Variants in CGN observed in about 807,000 individuals in gnomAD.
CGN encodes the protein cingulin.
Under a neutral mutation model 157.1 loss-of-function variants are expected in CGN, and 121 were observed. The ratio of observed to expected loss-of-function variants is 0.77; its 90% CI spans 0.66 to 0.90. The LOEUF (loss-of-function observed/expected upper bound fraction) is 0.90. CGN is among the 40% of genes least tolerant of loss of function. The pLI is 0.00. For synonymous variants in CGN, 535 were observed against 607.5 expected (o/e 0.88, Z 1.76); for missense variants, 1,424 against 1,520.9 (o/e 0.94, Z 1.06).
intron 5 of CGN, among the ~76,000 whole-genome samples, chr1:151,521,847 A>AT (rs1226431087): frequency 1.3e-5 from 2 of 151,516 alleles, no homozygotes; most frequent in Non-Finnish European, 1.5e-5. Flanking sequence ...TCAAAAAAAA[A>AT]GCATTTCCCA....
intron 10 of CGN, among the ~76,000 whole-genome samples, chr1:151,528,647 C>A (rs1349449265): frequency 6.6e-6 from 1 of 152,022 alleles, no homozygotes; most frequent in African/African-American, 2.4e-5. Context: ...GAACTCCTGA[C>A]CTCAGGTGAT....
rs748913181 is a variant in CGN at position 151,530,075 on chromosome 1, C to T, written c.2273C>T (p.Ala758Val). Reference protein sequence around the residue: ...ETRGLVDGGEAVEARLRDKLQ... With the variant: ...ETRGLVDGGEVVEARLRDKLQ... ...CGAGGTCTGGTGGATGGTGGGGAAG[C>T]GGTGGAGGCACGACTACGGGACAAG... is the stretch of plus-strand genomic sequence containing the variant. The change falls in exon 12 of 21, where the codon GCG (alanine) becomes GTG (valine). Residue 758 changes from alanine (A) to valine (V), a missense_variant. By Grantham distance (64) the Ala-to-Val change is moderately conservative. Coordinates refer to ENST00000271636, the MANE Select transcript of CGN (RefSeq NM_020770.3). 27 of 1,613,762 alleles carry T rather than the reference C, an allele frequency of 1.7e-5. No homozygotes were observed. The highest frequency in any genetic ancestry group is 6.7e-5 in the East Asian group (3 of 44,868).
chr1:151,536,652 T>A, intron 19 of CGN, 78 bp from the exon 20 acceptor site: 1 of 1,469,910 alleles, frequency 6.8e-7, no homozygotes, highest in Non-Finnish European at 9.4e-7. Context: ...TTATACCTTG[T>A]CAAGATTGTT....
At position 151,519,006 on chromosome 1, in the gene CGN, G is replaced by T. The variant is rs1181582599; in HGVS notation, c.487G>T (p.Val163Leu). The change falls in exon 2 of 21, where the codon GTG becomes TTG. Residue 163 changes from valine (V) to leucine (L), a missense_variant. Val to Leu is a conservative substitution (Grantham distance 32). Around this residue, in one of 3 missense-constraint regions of CGN, gnomAD observed 1,187 missense variants for 1,217.6 expected, o/e 0.97. Coordinates refer to ENST00000271636, the MANE Select transcript of CGN (RefSeq NM_020770.3). Reference sequence around the variant, plus strand: ...CAGCATGCTGGAGCTAGCCCCGAAAGTGGCTTCCCCAGGTAGCACCATTGA... The same window carrying T: ...CAGCATGCTGGAGCTAGCCCCGAAATTGGCTTCCCCAGGTAGCACCATTGA... ...SNSMLELAPK[V>L]ASPGSTIDTA... 2 of 1,614,218 alleles carry T rather than the reference G, an allele frequency of 1.2e-6. No homozygotes were observed. The highest frequency in any genetic ancestry group is 1.7e-5 in the Admixed American group (1 of 60,024).
Position 151,524,128 on chromosome 1 carries a change from A to G in CGN, c.1269-98A>G, listed in dbSNP as rs1036610685. 1 of 1,185,692 alleles carries G rather than the reference A, an allele frequency of 8.4e-7. No individual in the cohort carries two copies. Among genetic ancestry groups the G allele is most frequent in the African/African-American group, 1.5e-5 (1 of 64,752 alleles). The allele number at this position is 1,185,692 out of a possible 1,614,324, so 73.4% of individuals were successfully genotyped here. On this transcript the variant is annotated intron_variant, in intron 6 of 20. Transcript: ENST00000271636. The surrounding 1 kb of genome is among the most constrained non-coding windows in gnomAD (Gnocchi z 4.4). ...GGGAGGCCTCATCAAGATTTGAAGG[A>G]AGGAAGTTTAAATGCATTAATAAAT... is the stretch of plus-strand genomic sequence containing the variant.
Position 151,524,882 on chromosome 1 carries a change from C to T in CGN, c.1610C>T (p.Thr537Ile), listed in dbSNP as rs775325708. The T allele has an allele frequency of 6.2e-7, 1 of 1,610,490 alleles. No homozygotes were observed. The highest frequency in any genetic ancestry group is 8.5e-7 in the Non-Finnish European group (1 of 1,179,058). ...CTCCGCAGGAGCATGCAAGATGCAA[C>T]CCAGGCATGTGACAAGAGCAGGGTC... Reference protein sequence around the residue: ...EQLRRSMQDATQDHAVLEAER... With the variant: ...EQLRRSMQDAIQDHAVLEAER... The change falls in exon 8 of 21, where the codon ACC becomes ATC. Residue 537 changes from threonine to isoleucine, a missense_variant. By Grantham distance (89) the Thr-to-Ile change is moderately conservative (BLOSUM62 -1). Transcript: ENST00000271636. The surrounding 1 kb of genome is among the most constrained non-coding windows in gnomAD (Gnocchi z 4.4).
chr1:151,533,843 G>A, intron 14 of CGN, 132 bp from the exon 15 acceptor site: 1 of 793,062 alleles, frequency 1.3e-6, no homozygotes, highest in Non-Finnish European at 2.0e-6. Flanking sequence ...GCTTTTTATT[G>A]TCATCATGCC....
chr1:151,524,964 A>T lies in CGN; in HGVS notation c.1614+78A>T. 2 of 1,242,144 alleles carry T rather than the reference A, an allele frequency of 1.6e-6. No homozygotes were observed. The highest frequency in any genetic ancestry group is 2.3e-6 in the Non-Finnish European group (2 of 878,368). 76.9% of individuals were successfully genotyped at this position (1,242,144 alleles called of 1,614,324 possible). A position where few individuals can be genotyped will look rare whatever the true frequency, so the allele number is the denominator to read the frequency against. Reference sequence around the variant, plus strand: ...CTGCCTTGGGATCTTGGACTTTTGGACTTTTCATGGTTGCAACTGGGAACT... The same window carrying T: ...CTGCCTTGGGATCTTGGACTTTTGGTCTTTTCATGGTTGCAACTGGGAACT... On this transcript the variant is annotated intron_variant, in intron 8 of 20. Coordinates refer to ENST00000271636, the MANE Select transcript of CGN (RefSeq NM_020770.3). The surrounding 1 kb of genome is among the most constrained non-coding windows in gnomAD (Gnocchi z 4.4).
Position 151,530,577 on chromosome 1 carries a change from G to A in CGN, c.2402G>A (p.Arg801His), listed in dbSNP as rs149778114. Residue 801 changes from arginine to histidine, a missense_variant, in exon 13 of 21, where the codon CGC becomes CAC. Physicochemically the swap from Arg to His is conservative, Grantham distance 29. This residue lies in a region of CGN where 1,187 missense variants were observed against 1,217.6 expected (regional missense o/e 0.97). Transcript: ENST00000271636. Reference protein sequence around the residue: ...LAAAKRALEARLEEAQRGLAR... With the variant: ...LAAAKRALEAHLEEAQRGLAR... ...GCAGCCAAGCGGGCACTGGAGGCAC[G>A]CCTAGAGGAGGCTCAGCGGGGGCTG... 1.7e-4 allele frequency: 271 copies of A among 1,610,664 alleles called. No homozygotes were observed. Among genetic ancestry groups the A allele is most frequent in the East Asian group, 2.9e-4 (13 of 44,868 alleles).
At chr1:151,527,258 C>T in intron 10 of CGN, 151 bp downstream of exon 10, 1 of 789,610 alleles carries the variant, frequency 1.3e-6, no homozygotes, top group Non-Finnish European at 2.1e-6. Flanking sequence ...CTTTCCAGCA[C>T]AGCAGCACCA....
chr1:151,522,780 G>A (rs1393364619), intron 5 of CGN, among the ~76,000 whole-genome samples: 1 of 152,024 alleles, frequency 6.6e-6, no homozygotes, highest in Admixed American at 6.6e-5. Context: ...CAGGTGAGGT[G>A]ATGCATGCCT....
chr1:151,518,380 G>A, intron 1 of CGN, 126 bp from the exon 2 acceptor site: 3 of 753,928 alleles, frequency 4.0e-6, no homozygotes, highest in Non-Finnish European at 6.4e-6. Context: ...CTCTCCAGGG[G>A]CCTTCTGTTA....
rs757539425 is a variant in CGN, at chr1:151,526,366, G to A, written c.1763+576G>A. The stretch of plus-strand genomic sequence containing the variant: ...GGTTTTTTGTATTTTTAGTAGAGAC[G>A]GGGTTTCACCATATTGGCCAGGCTG... On this transcript the variant is annotated intron_variant, in intron 9 of 20. Transcript: ENST00000271636. Among the ~76,000 whole-genome samples, 11 of 151,530 alleles carry A rather than the reference G, an allele frequency of 7.3e-5. No homozygotes were observed. The South Asian group carries it at 8.4e-4, about 12-fold the overall frequency.
At position 151,532,527 on chromosome 1, in the gene CGN, T is replaced by TG. The variant is rs1381134322; in HGVS notation, c.2698dup (p.Glu900GlyfsTer3). On this transcript the variant is annotated frameshift_variant, in exon 14 of 21. Transcript: ENST00000271636. LOFTEE classifies it high-confidence loss of function. ...AGCGCCAGGCCAAGGATTGGGCCAG[T>TG]GAGGCTGAGAAGACCTCTGGAGGAC... The TG allele has an allele frequency of 6.3e-7, 1 of 1,597,240 alleles. No individual in the cohort carries two copies.
Position 151,524,438 on chromosome 1 carries a change from C to T in CGN, c.1401+80C>T. On this transcript the variant is annotated intron_variant, in intron 7 of 20. Transcript: ENST00000271636. This position sits in a 1 kb window ranked among gnomAD's most constrained non-coding sequence, Gnocchi z 4.4. ...TCAAGTCTGCTCATCCATGGTTTCCCCAAAGTATGAGGAGTGGGTGGCTGA... is the reference window on the plus strand; with the variant it reads ...TCAAGTCTGCTCATCCATGGTTTCCTCAAAGTATGAGGAGTGGGTGGCTGA... 6.3e-7 allele frequency: 1 copy of T among 1,587,554 alleles called. No individual in the cohort carries two copies. The highest frequency in any genetic ancestry group is 1.4e-5 in the African/African-American group (1 of 74,006).
chr1:151,510,330 T>C (rs1023304051), upstream of CGN, among the ~76,000 whole-genome samples: 13 of 152,188 alleles, frequency 8.5e-5, no homozygotes, highest in Non-Finnish European at 4.4e-5. Flanking sequence ...AGGGTAAATA[T>C]TTGTTGTAAC....
rs149778114 is a variant in CGN, at chr1:151,530,577, G to T, written c.2402G>T (p.Arg801Leu). Residue 801 changes from arginine (R) to leucine (L), a missense_variant, in exon 13 of 21, where the codon CGC becomes CTC. Coordinates refer to ENST00000271636, the MANE Select transcript of CGN (RefSeq NM_020770.3). ...GCAGCCAAGCGGGCACTGGAGGCAC[G>T]CCTAGAGGAGGCTCAGCGGGGGCTG... ...LAAAKRALEA[R>L]LEEAQRGLAR... is the part of the protein sequence containing the mutation. 2.7e-5 allele frequency: 43 copies of T among 1,610,784 alleles called. No individual in the cohort carries two copies. Among genetic ancestry groups the T allele is most frequent in the Admixed American group, 5.0e-5 (3 of 59,700 alleles).
rs1665020021 is a variant in CGN at position 151,538,307 on chromosome 1, C to T, written c.*961C>T. 1 of 152,250 alleles carries T rather than the reference C, an allele frequency of 6.6e-6. No individual in the cohort carries two copies. The highest frequency in any genetic ancestry group is 2.4e-5 in the African/African-American group (1 of 41,450). 9.4% of individuals were successfully genotyped at this position (152,250 alleles called of 1,614,324 possible). A position where few individuals can be genotyped will look rare whatever the true frequency, so the allele number is the denominator to read the frequency against. On this transcript the variant is annotated 3_prime_UTR_variant, in exon 21 of 21. Transcript: ENST00000271636. ...CCCTGTGGCCTTCCTTGGGGCTTCTCTGACCACATGTGCCCAACTTCAATA... is the reference window on the plus strand; with the variant it reads ...CCCTGTGGCCTTCCTTGGGGCTTCTTTGACCACATGTGCCCAACTTCAATA...
In CGN at chr1:151,535,880, G is replaced by A. The variant is rs781225929; in HGVS notation, c.3179G>A (p.Arg1060Gln). 2.6e-5 allele frequency: 42 copies of A among 1,613,030 alleles called. No homozygotes were observed. The highest frequency in any genetic ancestry group is 4.4e-5 in the South Asian group (4 of 91,016). Residue 1060 changes from arginine to glutamine, a missense_variant, in exon 18 of 21, where the codon CGG (arginine) becomes CAG (glutamine). Transcript: ENST00000271636. ...LESQNQLLQE[R>Q]LQAEEREKTV... Reference sequence around the variant, plus strand: ...TCCCAGAATCAGTTGTTGCAGGAGCGGCTACAGGCTGAAGAGAGGTGACAT... The same window carrying A: ...TCCCAGAATCAGTTGTTGCAGGAGCAGCTACAGGCTGAAGAGAGGTGACAT...
Sources: allele counts gnomAD v4.1 joint callset (sites outside exome capture counted in the v4.1 genomes callset), GRCh38; gene constraint gnomAD v4.1.1; regional missense constraint gnomAD v4.1.1; non-coding constraint Gnocchi (gnomAD v3.1); transcripts MANE v1.5; gene names NCBI Gene and HGNC (gene_info 2026-07-23, HGNC 2026-07-21).